RBFOX1: variants seen among roughly 807,000 people sequenced by gnomAD.
RBFOX1 encodes RNA binding protein fox-1 homolog 1.
A neutral mutation model predicts 57.7 loss-of-function variants in RBFOX1; 8 were observed. The ratio of observed to expected loss-of-function variants is 0.14; its 90% CI spans 0.08 to 0.25. The LOEUF (loss-of-function observed/expected upper bound fraction) is 0.25. RBFOX1 is among the 10% of genes least tolerant of loss of function. The probability of loss-of-function intolerance (pLI) is 1.00; values close to 1 mark genes in which losing one functional copy is unlikely to be tolerated. For missense variants in RBFOX1, 611 were observed against 548.5 expected, an observed-to-expected ratio of 1.11 and a Z score of -1.14; for synonymous variants, 326 against 222.4, an observed-to-expected ratio of 1.47 and a Z score of -4.15.
chr16:5,744,515 A>G (rs2052899900), intron 3 of RBFOX1, among the ~76,000 whole-genome samples: 1 of 151,948 alleles, frequency 6.6e-6, no homozygotes, highest in South Asian at 2.1e-4. Context: ...CTTCTTTCCA[A>G]CTCCACCTTC....
At chr16:6,562,420 G>T (rs2097190573) in intron 2 of RBFOX1, among the ~76,000 whole-genome samples, 2 of 152,150 alleles carry the variant, frequency 1.3e-5, no homozygotes, top group South Asian at 4.1e-4. Flanking sequence ...TATTTAATAG[G>T]CATCATCAAC....
At chr16:7,685,167 C>T (rs1379792730) in intron 14 of RBFOX1, among the ~76,000 whole-genome samples, 10 of 152,092 alleles carry the variant, frequency 6.6e-5, no homozygotes, top group South Asian at 2.1e-4. Context: ...AGAAGCCCCA[C>T]TTTAGAGAAC....
intron 3 of RBFOX1, among the ~76,000 whole-genome samples, chr16:6,927,180 G>C (rs868622383): frequency 3.3e-5 from 5 of 151,900 alleles, no homozygotes; most frequent in African/African-American, 1.2e-4. Flanking sequence ...TTAGGTCTGG[G>C]TGGGGCTCAG....
intron 4 of RBFOX1, among the ~76,000 whole-genome samples, chr16:5,965,893 C>G (rs375735394): frequency 6.6e-6 from 1 of 152,106 alleles, no homozygotes; most frequent in African/African-American, 2.4e-5. Flanking sequence ...TCACACCTCT[C>G]ATTATAAATC....
At chr16:6,869,268 C>G (rs865773946) in intron 3 of RBFOX1, among the ~76,000 whole-genome samples, 2 of 152,274 alleles carry the variant, frequency 1.3e-5, no homozygotes, top group South Asian at 4.1e-4. Context: ...CAATATGTTT[C>G]TCATAAGAAC....
intron 1 of RBFOX1, among the ~76,000 whole-genome samples, chr16:5,433,312 A>G (rs1451948436): frequency 1.3e-4 from 20 of 152,132 alleles, no homozygotes; most frequent in Non-Finnish European, 2.6e-4. Flanking sequence ...CACAGCAGGC[A>G]TCTTCTGGGG....
intron 3 of RBFOX1, among the ~76,000 whole-genome samples, chr16:6,918,925 T>C (rs7200151): frequency 1.1e-4 from 17 of 151,968 alleles, no homozygotes; most frequent in Non-Finnish European, 2.1e-4. Context: ...GTGATCTAGT[T>C]ACGCAGGGTC....
intron 3 of RBFOX1, among the ~76,000 whole-genome samples, chr16:5,646,182 ATT>A (rs55685218): frequency 2.2e-5 from 3 of 133,696 alleles, no homozygotes; most frequent in African/African-American, 8.4e-5. Flanking sequence ...GGCACGTGCT[ATT>A]TTTTTTTTTT....
chr16:5,974,775 G>A (rs2152303091), intron 4 of RBFOX1, among the ~76,000 whole-genome samples: 1 of 152,288 alleles, frequency 6.6e-6, no homozygotes, highest in Middle Eastern at 3.4e-3. Flanking sequence ...TTGGGAGGCA[G>A]AGGTGGGAGG....
intron 1 of RBFOX1, among the ~76,000 whole-genome samples, chr16:5,258,085 C>T (rs535110313): frequency 1.2e-4 from 19 of 152,190 alleles, no homozygotes; most frequent in African/African-American, 4.3e-4. Context: ...CACCATGTTG[C>T]CTAGGCTGGT....
chr16:5,919,732 A>G (rs1018476644), intron 4 of RBFOX1, among the ~76,000 whole-genome samples: 4 of 151,962 alleles, frequency 2.6e-5, no homozygotes, highest in African/African-American at 9.7e-5. Context: ...AAACATTTTC[A>G]TTTCTCCAAA....
At chr16:5,814,441 A>G (rs2055547759) in intron 3 of RBFOX1, among the ~76,000 whole-genome samples, 1 of 152,228 alleles carries the variant, frequency 6.6e-6, no homozygotes, top group Non-Finnish European at 1.5e-5. Flanking sequence ...GACAATAATA[A>G]CAATAAATAT....
intron 4 of RBFOX1, among the ~76,000 whole-genome samples, chr16:5,908,279 CATATATATACACAT>C (rs1252462567): frequency 7.0e-6 from 1 of 142,822 alleles, no homozygotes; most frequent in Non-Finnish European, 1.5e-5. Flanking sequence ...TATATACATA[CATATATATACACAT>C]ATATATATAC....
At chr16:6,523,064 A>G (rs746414099) in intron 2 of RBFOX1, among the ~76,000 whole-genome samples, 2 of 152,132 alleles carry the variant, frequency 1.3e-5, no homozygotes, top group Non-Finnish European at 2.9e-5. Flanking sequence ...TAATACGTTT[A>G]TTCATATTTA....
intron 4 of RBFOX1, among the ~76,000 whole-genome samples, chr16:7,313,306 T>C (rs4786996): frequency 0.88 from 134,305 of 152,104 alleles, 59,564 homozygotes; most frequent in East Asian, 1. Context: ...GGGTTTGCAA[T>C]GAGCAGTTAA....
chr16:5,888,398 A>G (rs1220204250), intron 4 of RBFOX1, among the ~76,000 whole-genome samples: 1 of 152,198 alleles, frequency 6.6e-6, no homozygotes, highest in Non-Finnish European at 1.5e-5. Context: ...ATTGTTGCTT[A>G]AAAGTGTTTT....
chr16:6,970,653 C>G (rs948419497), intron 3 of RBFOX1, among the ~76,000 whole-genome samples: 10 of 152,174 alleles, frequency 6.6e-5, no homozygotes, highest in Non-Finnish European at 1.3e-4. Context: ...TTTGTGAGGG[C>G]TATGACCTCA....
At chr16:5,428,604 G>T (rs472051) in intron 1 of RBFOX1, among the ~76,000 whole-genome samples, 1 of 151,768 alleles carries the variant, frequency 6.6e-6, no homozygotes, top group Non-Finnish European at 1.5e-5. Flanking sequence ...AAGGACTGAC[G>T]TTAGCCGGGG....
chr16:7,394,263 A>AAAAAG (rs1555833371), intron 4 of RBFOX1, among the ~76,000 whole-genome samples: 3 of 139,324 alleles, frequency 2.2e-5, no homozygotes, highest in Admixed American at 7.3e-5. Flanking sequence ...AAAAAAAAAA[A>AAAAAG]AGAGAGAAAG....
Sources: allele counts gnomAD v4.1 joint callset (sites outside exome capture counted in the v4.1 genomes callset), GRCh38; gene constraint gnomAD v4.1.1; transcripts MANE v1.5; gene names NCBI Gene and HGNC (gene_info 2026-07-23, HGNC 2026-07-21).